The following RARB variants were observed in gnomAD, a reference collection of about 807,000 sequenced individuals.
RARB encodes the protein HBV-activated protein.
RARB carries 17 observed loss-of-function variants against 51.9 expected under a neutral mutation model. The ratio of observed to expected loss-of-function variants is 0.33; its 90% CI spans 0.22 to 0.49. The LOEUF is 0.49. Among genes scored for constraint, RARB ranks in the 20% least tolerant of loss-of-function variants. The pLI, the probability that RARB is intolerant of heterozygous loss-of-function variation, is 0.99. For synonymous variants in RARB, 215 were observed against 195.4 expected (o/e 1.10, Z -0.84); for missense variants, 369 against 550.8 (o/e 0.67, Z 3.30).
chr3:25,397,601 A>G (rs1477237438), intron 5 of RARB, among the ~76,000 whole-genome samples: 2 of 152,196 alleles, frequency 1.3e-5, no homozygotes, highest in Non-Finnish European at 2.9e-5. Context: ...ATATTAGTTT[A>G]TCTCTGTACT....
At chr3:24,933,985 C>T (rs568331961) in intron 2 of RARB, among the ~76,000 whole-genome samples, 1 of 152,226 alleles carries the variant, frequency 6.6e-6, no homozygotes, top group South Asian at 2.1e-4. Flanking sequence ...TTTTTAATAT[C>T]CTTAGAATCC....
chr3:25,047,438 T>C (rs972802488), intron 2 of RARB, among the ~76,000 whole-genome samples: 1 of 152,158 alleles, frequency 6.6e-6, no homozygotes, highest in Non-Finnish European at 1.5e-5. Context: ...AAAATGTTTA[T>C]GTAAAAGAAA....
At chr3:25,260,280 A>G (rs1702966574) in intron 5 of RARB, among the ~76,000 whole-genome samples, 1 of 152,162 alleles carries the variant, frequency 6.6e-6, no homozygotes. Context: ...TATTTTGTAT[A>G]GAATAAGAAA....
chr3:24,928,905 G>C (rs1418413914), intron 2 of RARB, among the ~76,000 whole-genome samples: 1 of 151,952 alleles, frequency 6.6e-6, no homozygotes, highest in African/African-American at 2.4e-5. Flanking sequence ...TTTTAAGAAA[G>C]CAATTATGTA....
At chr3:25,511,581 A>G (rs1023391899) in intron 3 of RARB, among the ~76,000 whole-genome samples, 1 of 152,198 alleles carries the variant, frequency 6.6e-6, no homozygotes, top group Non-Finnish European at 1.5e-5. Context: ...CAGCCTGTGA[A>G]TATGTGCAAA....
chr3:25,161,988 C>G (rs1393264124), intron 4 of RARB, among the ~76,000 whole-genome samples: 1 of 152,210 alleles, frequency 6.6e-6, no homozygotes, highest in Non-Finnish European at 1.5e-5. Flanking sequence ...ACAAGACAAT[C>G]TGGCCTCACA....
chr3:25,137,437 G>A (rs1389319002), intron 4 of RARB, among the ~76,000 whole-genome samples: 1 of 152,034 alleles, frequency 6.6e-6, no homozygotes, highest in African/African-American at 2.4e-5. Flanking sequence ...GGTCATATAT[G>A]TTACAGGTTT....
At position 25,432,917 on chromosome 3, in the gene RARB, A is replaced by T. The variant is rs151132817; in HGVS notation, c.157+4029A>T. ...CAAAACTCTGTTCAAGTCACACAGG[A>T]TTTTAACAATAAATGCAATGTTCAT... On this transcript the variant is annotated intron_variant, in intron 1 of 7. Coordinates refer to ENST00000330688, the MANE Select transcript of RARB (RefSeq NM_000965.5). 2.1e-3 allele frequency among the ~76,000 whole-genome samples: 313 copies of T among 152,316 alleles called. 1 individual carries two copies. The highest frequency in any genetic ancestry group is 7.1e-3 in the African/African-American group (297 of 41,584).
chr3:25,401,067 GA>G (rs1299905531), intron 5 of RARB, among the ~76,000 whole-genome samples: 1 of 152,076 alleles, frequency 6.6e-6, no homozygotes, highest in Non-Finnish European at 1.5e-5. Context: ...CCAAGCAAAA[GA>G]AAAGTTGCCA....
intron 5 of RARB, among the ~76,000 whole-genome samples, chr3:25,294,860 T>G (rs1703880939): frequency 6.6e-6 from 1 of 152,162 alleles, no homozygotes; most frequent in African/African-American, 2.4e-5. Context: ...TTTGCAGATT[T>G]GCTCTCAGAT....
chr3:25,003,036 T>G (rs1166492254), intron 2 of RARB, among the ~76,000 whole-genome samples: 1 of 152,156 alleles, frequency 6.6e-6, no homozygotes, highest in African/African-American at 2.4e-5. Context: ...TAATTATTTC[T>G]TAATTGTTGA....
Position 25,349,632 on chromosome 3 carries a change from G to A in RARB, c.179-111561G>A, listed in dbSNP as rs548220153. ...CAAATGAGATATTTTACAATCAAAA[G>A]CACAGACAGCCAACAAAAAATTCTA... is the stretch of plus-strand genomic sequence containing the variant. On this transcript the variant is annotated intron_variant, in intron 5 of 11. Coordinates refer to the RARB transcript ENST00000383772. Among the ~76,000 whole-genome samples the A allele has an allele frequency of 7.2e-5, 11 of 152,162 alleles. No homozygotes were observed. In the South Asian group the frequency reaches 1.9e-3, roughly 26 times the overall value.
chr3:25,034,215 C>A (rs563058067), intron 2 of RARB, among the ~76,000 whole-genome samples: 3 of 152,230 alleles, frequency 2.0e-5, no homozygotes, highest in Non-Finnish European at 4.4e-5. Context: ...GAGGCTAAGG[C>A]GGGAGAATCG....
At chr3:25,216,251 G>T (rs1052193316) in intron 5 of RARB, among the ~76,000 whole-genome samples, 1 of 151,910 alleles carries the variant, frequency 6.6e-6, no homozygotes, top group Non-Finnish European at 1.5e-5. Flanking sequence ...TGATTTCTTT[G>T]GTAATTCATT....
At chr3:25,310,655 A>G (rs2125433356) in intron 5 of RARB, among the ~76,000 whole-genome samples, 1 of 152,306 alleles carries the variant, frequency 6.6e-6, no homozygotes. Flanking sequence ...TTGACCACTC[A>G]TCTACTGCGT....
chr3:25,516,402 A>G (rs1163744917), intron 3 of RARB, among the ~76,000 whole-genome samples: 1 of 152,162 alleles, frequency 6.6e-6, no homozygotes, highest in Non-Finnish European at 1.5e-5. Context: ...CAGTTTAATA[A>G]TTAGCTAATT....
chr3:25,222,843 T>G (rs192331075), intron 5 of RARB, among the ~76,000 whole-genome samples: 1 of 152,318 alleles, frequency 6.6e-6, no homozygotes, highest in African/African-American at 2.4e-5. Flanking sequence ...TAAAATATTG[T>G]CTGTTTAAGG....
intron 3 of RARB, among the ~76,000 whole-genome samples, chr3:25,105,984 A>G (rs1699491688): frequency 6.6e-6 from 1 of 152,216 alleles, no homozygotes. Flanking sequence ...TAATCCCAGC[A>G]GGAAAGCAAT....
intron 5 of RARB, among the ~76,000 whole-genome samples, chr3:25,322,158 A>G (rs1428003788): frequency 2.2e-5 from 3 of 139,308 alleles, no homozygotes; most frequent in Admixed American, 7.5e-5. Flanking sequence ...GAAATTTGGT[A>G]TATGAGGTGG....
Sources: allele counts gnomAD v4.1 joint callset (sites outside exome capture counted in the v4.1 genomes callset), GRCh38; gene constraint gnomAD v4.1.1; transcripts MANE v1.5; gene names NCBI Gene and HGNC (gene_info 2026-07-23, HGNC 2026-07-21).